Variants in ALG6 observed in about 807,000 individuals in gnomAD.
ALG6 encodes dolichyl pyrophosphate Man9GlcNAc2 alpha-1,3-glucosyltransferase.
In ALG6, 46 loss-of-function variants were observed where a neutral mutation model predicts 66.6. That is an observed-to-expected ratio of 0.69 (90% CI 0.55 to 0.88). ALG6 has a LOEUF of 0.88. Among genes scored for constraint, ALG6 ranks in the 40% least tolerant of loss-of-function variants. The probability of loss-of-function intolerance (pLI) is 0.00; values close to 1 mark genes in which losing one functional copy is unlikely to be tolerated. For missense variants in ALG6, 505 were observed against 586.8 expected, an observed-to-expected ratio of 0.86 and a Z score of 1.44; for synonymous variants, 185 against 203.7, an observed-to-expected ratio of 0.91 and a Z score of 0.78.
rs1292779123 is a variant in ALG6 at position 63,374,609 on chromosome 1, C to T, written c.82+3550C>T. Among the ~76,000 whole-genome samples, 3 of 137,816 alleles carry T rather than the reference C, an allele frequency of 2.2e-5. No homozygotes were observed. In the East Asian group the frequency reaches 6.7e-4, roughly 31 times the overall value. The allele number at this position is 137,816 out of a possible 152,430, so 90.4% of individuals were successfully genotyped here. The stretch of plus-strand genomic sequence containing the variant: ...CGCCACTGCACCCCACCCTGGGTGA[C>T]AGAGCAAGACTCTGTCTCCAAAAAA... On this transcript the variant is annotated intron_variant, in intron 2 of 14. Transcript: ENST00000263440.
intron 2 of ALG6, among the ~76,000 whole-genome samples, chr1:63,384,680 G>A (rs1648443156): frequency 6.6e-6 from 1 of 152,130 alleles, no homozygotes; most frequent in African/African-American, 2.4e-5. Flanking sequence ...ATGAGAGATA[G>A]GGGTTTAGTT....
At chr1:63,410,092 G>C (rs992539669) in intron 7 of ALG6, among the ~76,000 whole-genome samples, 1 of 151,876 alleles carries the variant, frequency 6.6e-6, no homozygotes, top group Admixed American at 6.6e-5. Context: ...GGTCTTGCAG[G>C]GTGGATTGGC....
intron 12 of ALG6, 112 bp from the exon 13 acceptor site, chr1:63,428,621 T>C: frequency 1.2e-6 from 1 of 834,376 alleles, no homozygotes; most frequent in East Asian, 2.7e-5. Context: ...TTCCTGGCTG[T>C]TTTTAAGCTA....
intron 3 of ALG6, among the ~76,000 whole-genome samples, chr1:63,400,307 GTA>G (rs1222432017): frequency 0.013 from 102 of 7,570 alleles, 27 homozygotes; most frequent in East Asian, 0.032. Context: ...GTATATATAT[GTA>G]TATATATATA....
intron 9 of ALG6, 65 bp downstream of exon 9, chr1:63,412,126 A>C (rs765328965): frequency 5.0e-6 from 8 of 1,607,016 alleles, no homozygotes; most frequent in South Asian, 1.1e-5. Context: ...TAGGGGTTTC[A>C]TGTAGAAGGT....
At chr1:63,381,447 G>A (rs1037907164) in intron 2 of ALG6, among the ~76,000 whole-genome samples, 4 of 151,802 alleles carry the variant, frequency 2.6e-5, no homozygotes, top group Non-Finnish European at 4.4e-5. Flanking sequence ...GAGCGAGACC[G>A]TCTCAAAAGA....
At chr1:63,432,609 AAAG>A (rs1370775017) in intron 14 of ALG6, among the ~76,000 whole-genome samples, 1 of 152,234 alleles carries the variant, frequency 6.6e-6, no homozygotes, top group Non-Finnish European at 1.5e-5. Flanking sequence ...AGTGCCTCAC[AAAG>A]AATAGGTGCT....
In ALG6 at chr1:63,381,187, G is replaced by T. The variant is rs559135158; in HGVS notation, c.82+10128G>T. On this transcript the variant is annotated intron_variant, in intron 2 of 14. Transcript: ENST00000263440. The stretch of plus-strand genomic sequence containing the variant: ...ATACAAAAATTGGCCAGGCGCGGTG[G>T]CTCACGCCTGTAATCCCAGCACTTT... Among the ~76,000 whole-genome samples, 4 of 152,212 alleles carry T rather than the reference G, an allele frequency of 2.6e-5. No homozygotes were observed. In the East Asian group the frequency reaches 7.7e-4, roughly 29 times the overall value.
intron 3 of ALG6, among the ~76,000 whole-genome samples, chr1:63,401,050 C>T (rs1241903239): frequency 1.3e-5 from 2 of 152,118 alleles, no homozygotes; most frequent in Non-Finnish European, 2.9e-5. Flanking sequence ...GATTCTTAGA[C>T]TCGCTGCTTC....
At chr1:63,422,382 AATAT>A (rs1232372448) in intron 12 of ALG6, among the ~76,000 whole-genome samples, 1 of 97,360 alleles carries the variant, frequency 1.0e-5, no homozygotes, top group African/African-American at 4.3e-5. Flanking sequence ...TATAAGTATA[AATAT>A]ATATAAATAT....
chr1:63,381,005 A>G (rs1648281416), intron 2 of ALG6, among the ~76,000 whole-genome samples: 1 of 152,210 alleles, frequency 6.6e-6, no homozygotes, highest in African/African-American at 2.4e-5. Context: ...TCAGATAAGG[A>G]AAGTAAATAT....
intron 2 of ALG6, among the ~76,000 whole-genome samples, chr1:63,392,121 C>T (rs1293256749): frequency 2.0e-5 from 3 of 151,840 alleles, no homozygotes; most frequent in African/African-American, 7.3e-5. Flanking sequence ...TTCCATTTAA[C>T]TGCTTAGTTT....
chr1:63,407,659 G>C (rs1644495298), intron 7 of ALG6, among the ~76,000 whole-genome samples: 1 of 151,780 alleles, frequency 6.6e-6, no homozygotes, highest in Admixed American at 6.6e-5. Context: ...ATAAAAATCT[G>C]TATATATCTA....
In ALG6 at chr1:63,422,583, G is replaced by C. The variant is rs1475571210; in HGVS notation, c.1058+3143G>C. Among the ~76,000 whole-genome samples, 3 of 150,560 alleles carry C rather than the reference G, an allele frequency of 2.0e-5. No individual in the cohort carries two copies. The Admixed American group carries it at 2.0e-4, about 10-fold the overall frequency. ...GGCTGGGAATATATTATTTGCCTTA[G>C]CAATATGGAAGTCACTGGTGACTTT... On this transcript the variant is annotated intron_variant, in intron 12 of 14. Transcript: ENST00000263440.
chr1:63,422,439 ATATAAATATATATATAAATATAAATATAT>A (rs1644592029), intron 12 of ALG6, among the ~76,000 whole-genome samples: 1 of 60,178 alleles, frequency 1.7e-5, no homozygotes, highest in African/African-American at 9.3e-5. Flanking sequence ...ATAAATATAT[ATATAAATATATATATAAATATAAATATAT>A]ATATAAATAT....
rs74816761 is a variant in ALG6, at chr1:63,404,428, T to C, written c.258-25T>C. 9.2e-4 allele frequency: 1,417 copies of C among 1,547,262 alleles called. 33 individuals carry two copies. In the East Asian group the frequency reaches 0.031, roughly 34 times the overall value. ...GCTAAAAGGGATGAGGAATGAAGTA[T>C]CTGTATATATGCTTTGATTTGCAGG... On this transcript the variant is annotated intron_variant, in intron 4 of 14. Coordinates refer to ENST00000263440, the MANE Select transcript of ALG6 (RefSeq NM_013339.4).
At chr1:63,376,376 C>T (rs1016893519) in intron 2 of ALG6, among the ~76,000 whole-genome samples, 1 of 152,152 alleles carries the variant, frequency 6.6e-6, no homozygotes, top group Non-Finnish European at 1.5e-5. Context: ...GGTACATAGC[C>T]GTATTTTTCA....
chr1:63,391,316 A>T (rs950101811), intron 2 of ALG6, among the ~76,000 whole-genome samples: 2 of 152,238 alleles, frequency 1.3e-5, no homozygotes, highest in African/African-American at 4.8e-5. Flanking sequence ...CCGAAGAAAC[A>T]GTTAAACCTG....
intron 11 of ALG6, among the ~76,000 whole-genome samples, chr1:63,418,298 ATAAATTAT>A (rs1367582228): frequency 2.0e-4 from 30 of 147,902 alleles, no homozygotes; most frequent in East Asian, 5.8e-4. Flanking sequence ...TTAATATTTA[ATAAATTAT>A]TAAATTATTA....
Sources: allele counts gnomAD v4.1 joint callset (sites outside exome capture counted in the v4.1 genomes callset), GRCh38; gene constraint gnomAD v4.1.1; transcripts MANE v1.5; gene names NCBI Gene and HGNC (gene_info 2026-07-23, HGNC 2026-07-21).